SLC6A7: variants seen among roughly 807,000 people sequenced by gnomAD.
SLC6A7 encodes the protein sodium-dependent proline transporter.
A neutral mutation model predicts 73.1 loss-of-function variants in SLC6A7; 58 were observed. The observed-to-expected ratio is 0.79, with a 90% CI of 0.64 to 0.99. The LOEUF (loss-of-function observed/expected upper bound fraction) is 0.99, where lower values mean the gene tolerates loss of function less well. Among genes scored for constraint, SLC6A7 ranks in the 50% least tolerant of loss-of-function variants. The pLI is 0.00. For synonymous variants in SLC6A7, 338 were observed against 338.7 expected, an observed-to-expected ratio of 1.00 and a Z score of 0.02; for missense variants, 783 against 831.4, an observed-to-expected ratio of 0.94 and a Z score of 0.72.
At chr5:150,208,128 C>T (rs1347298215) in intron 13 of SLC6A7, among the ~76,000 whole-genome samples, 3 of 151,676 alleles carry the variant, frequency 2.0e-5, no homozygotes, top group Admixed American at 6.6e-5. Context: ...AGTCCTTGTT[C>T]TCAGGGAGCT....
rs761085772 is a variant in SLC6A7 at position 150,199,266 on chromosome 5, G to A, written c.623G>A (p.Gly208Asp). The A allele has an allele frequency of 6.8e-6, 11 of 1,610,408 alleles. No individual in the cohort carries two copies. Among genetic ancestry groups the A allele is most frequent in the African/African-American group, 2.7e-5 (2 of 74,780 alleles). Residue 208 changes from glycine (G) to aspartate (D), a missense_variant, in exon 5 of 14, where the codon GGC (glycine) becomes GAC (aspartate). By Grantham distance (94) the Gly-to-Asp change is moderately conservative. Transcript: ENST00000230671. ...CACATCCAAGGCAGCCAGGGCATCGGCAGCCCTGGGGAGATCCGCTGGAAC... is the reference window on the plus strand; with the variant it reads ...CACATCCAAGGCAGCCAGGGCATCGACAGCCCTGGGGAGATCCGCTGGAAC... ...VLHIQGSQGI[G>D]SPGEIRWNLC...
At chr5:150,192,233 C>T (rs1046701452) in intron 1 of SLC6A7, among the ~76,000 whole-genome samples, 22 of 152,068 alleles carry the variant, frequency 1.4e-4, no homozygotes, top group Non-Finnish European at 1.5e-5. Flanking sequence ...TGGGCTCATC[C>T]CTTCTTCCTG....
At chr5:150,190,502 A>G (rs1015870394) in intron 1 of SLC6A7, 142 bp downstream of exon 1, 32 of 560,062 alleles carry the variant, frequency 5.7e-5, no homozygotes, top group Non-Finnish European at 9.3e-5. Flanking sequence ...CAGCTGGATA[A>G]CAGGGAGGGT....
At chr5:150,196,609 C>A in intron 2 of SLC6A7, 107 bp from the exon 3 acceptor site, 1 of 1,079,078 alleles carries the variant, frequency 9.3e-7, no homozygotes, top group Non-Finnish European at 1.4e-6. Flanking sequence ...TACAGTGTTC[C>A]ATCAGGTCTG....
At chr5:150,197,014 G>T (rs1306091840) in intron 3 of SLC6A7, 28 bp from the exon 4 acceptor site, 1 of 1,600,714 alleles carries the variant, frequency 6.2e-7, no homozygotes, top group South Asian at 1.1e-5. Flanking sequence ...CTTGGCCTGG[G>T]CAGCCCAGCA....
intron 5 of SLC6A7, among the ~76,000 whole-genome samples, chr5:150,200,380 C>G (rs188419231): frequency 1.3e-5 from 2 of 152,166 alleles, no homozygotes; most frequent in Non-Finnish European, 2.9e-5. Context: ...GTAATCCCAG[C>G]TACTCGGGAG....
chr5:150,205,426 G>T (rs1409380316), intron 12 of SLC6A7, 30 bp from the exon 13 acceptor site: 4 of 1,562,028 alleles, frequency 2.6e-6, no homozygotes, highest in Middle Eastern at 1.7e-4. Context: ...ACAAAAGCCC[G>T]CAGTGATGCT....
At chr5:150,198,573 A>T (rs1403916742) in intron 4 of SLC6A7, among the ~76,000 whole-genome samples, 1 of 152,204 alleles carries the variant, frequency 6.6e-6, no homozygotes, top group Non-Finnish European at 1.5e-5. Context: ...CCACTGCATC[A>T]GTCAGGATGC....
chr5:150,190,772 G>A (rs1752747076), intron 1 of SLC6A7, among the ~76,000 whole-genome samples: 1 of 152,288 alleles, frequency 6.6e-6, no homozygotes, highest in South Asian at 2.1e-4. Flanking sequence ...GGGGTGGGGA[G>A]TGGGAGGCGG....
Position 150,209,738 on chromosome 5 carries a change from GC to G in SLC6A7, c.*125del. 1 of 806,774 alleles carries G rather than the reference GC, an allele frequency of 1.2e-6. No homozygotes were observed. Among genetic ancestry groups the G allele is most frequent in the Non-Finnish European group, 2.0e-6 (1 of 490,288 alleles). 50.0% of individuals were successfully genotyped at this position (806,774 alleles called of 1,614,324 possible). A position where few individuals can be genotyped will look rare whatever the true frequency, so the allele number is the denominator to read the frequency against. ...CTATGGGGGGGCCTGCCATAGGGAT[GC>G]CAGTCCCCCAGTGGGGGTCCCTTCT... On this transcript the variant is annotated 3_prime_UTR_variant, in exon 14 of 14. Coordinates refer to ENST00000230671, the MANE Select transcript of SLC6A7 (RefSeq NM_014228.5).
intron 2 of SLC6A7, among the ~76,000 whole-genome samples, chr5:150,195,852 G>A (rs974264411): frequency 2.6e-5 from 4 of 152,124 alleles, no homozygotes; most frequent in East Asian, 1.9e-4. Context: ...GGTGTCTCTC[G>A]GCAAGCACTC....
intron 4 of SLC6A7, among the ~76,000 whole-genome samples, 166 bp downstream of exon 4, chr5:150,197,442 G>T (rs767284590): frequency 2.6e-5 from 4 of 152,212 alleles, no homozygotes; most frequent in Non-Finnish European, 5.9e-5. Flanking sequence ...CCAGCTGTGT[G>T]GCCTCAAACA....
intron 6 of SLC6A7, 104 bp downstream of exon 6, chr5:150,201,327 C>T (rs1580864121): frequency 6.3e-6 from 4 of 635,770 alleles, no homozygotes; most frequent in Non-Finnish European, 7.4e-6. Context: ...CTGCTCAGCC[C>T]TTCTTGCGTC....
At chr5:150,204,119 A>C in intron 10 of SLC6A7, 81 bp downstream of exon 10, 2 of 1,371,454 alleles carry the variant, frequency 1.5e-6, no homozygotes, top group Non-Finnish European at 2.0e-6. Context: ...CCAGCTGAGC[A>C]GTTGCTGGGC....
chr5:150,196,855 C>T lies in SLC6A7; in HGVS notation c.349+8C>T. 6.2e-7 allele frequency: 1 copy of T among 1,613,018 alleles called. No individual in the cohort carries two copies. Among genetic ancestry groups the T allele is most frequent in the Non-Finnish European group, 8.5e-7 (1 of 1,179,388 alleles). On this transcript the variant is annotated splice_region_variant and intron_variant, in intron 3 of 13. Transcript: ENST00000230671. Reference sequence around the variant, plus strand: ...TCAGCCCTCTCTTCAAAGGTGAGGCCTCAGTGGTCCCCAGGGAGGGAAGGG... The same window carrying T: ...TCAGCCCTCTCTTCAAAGGTGAGGCTTCAGTGGTCCCCAGGGAGGGAAGGG...
chr5:150,190,155 C>A lies in SLC6A7; in HGVS notation c.-173C>A. On this transcript the variant is annotated 5_prime_UTR_variant, in exon 1 of 14. Transcript: ENST00000230671. ...AGGGACAGACAAGGCATTCGCAGCG[C>A]CCTGCCCGCGCTCCACGCCCGCAGC... 1.9e-6 allele frequency: 1 copy of A among 513,660 alleles called. No homozygotes were observed. The highest frequency in any genetic ancestry group is 3.3e-6 in the Non-Finnish European group (1 of 301,226). The allele number at this position is 513,660 out of a possible 1,614,324, so 31.8% of individuals were successfully genotyped here. A position where few individuals can be genotyped will look rare whatever the true frequency, so the allele number is the denominator to read the frequency against.
intron 1 of SLC6A7, among the ~76,000 whole-genome samples, chr5:150,192,214 G>C (rs1227828913): frequency 6.6e-6 from 1 of 152,132 alleles, no homozygotes; most frequent in African/African-American, 2.4e-5. Flanking sequence ...TTAACTTGCT[G>C]TTTGACCTTG....
chr5:150,204,474 GGCTGTA>G, intron 10 of SLC6A7, 52 bp from the exon 11 acceptor site: 1 of 1,308,320 alleles, frequency 7.6e-7, no homozygotes, highest in Non-Finnish European at 1.1e-6. Flanking sequence ...CAGGAGAAGG[GGCTGTA>G]GCAGAGAACG....
Position 150,192,841 on chromosome 5 carries a change from G to A in SLC6A7, c.34-1887G>A, listed in dbSNP as rs560917288. On this transcript the variant is annotated intron_variant, in intron 1 of 13. Transcript: ENST00000230671. ...TGCTAACTGGCCTGAATGGTGCTGG[G>A]ATGGGCGGGGGGTGTCTCAGGGTAA... 2.0e-5 allele frequency among the ~76,000 whole-genome samples: 3 copies of A among 152,322 alleles called. No individual in the cohort carries two copies. In the South Asian group the frequency reaches 6.2e-4, roughly 32 times the overall value.
Sources: allele counts gnomAD v4.1 joint callset (sites outside exome capture counted in the v4.1 genomes callset), GRCh38; gene constraint gnomAD v4.1.1; transcripts MANE v1.5; gene names NCBI Gene and HGNC (gene_info 2026-07-23, HGNC 2026-07-21).